Variants in PPFIA2 observed in about 807,000 individuals in gnomAD.
The protein encoded by PPFIA2 is PPFI scaffold protein A2.
In PPFIA2, 46 loss-of-function variants were observed where a neutral mutation model predicts 175.5. That is an observed-to-expected ratio of 0.26 (90% CI 0.21 to 0.34). The LOEUF (loss-of-function observed/expected upper bound fraction) is 0.34, where lower values mean the gene tolerates loss of function less well. Among genes scored for constraint, PPFIA2 ranks in the 10% least tolerant of loss-of-function variants. The pLI, the probability that PPFIA2 is intolerant of heterozygous loss-of-function variation, is 1.00. For synonymous variants in PPFIA2, 568 were observed against 511.4 expected (o/e 1.11, Z -1.49); for missense variants, 1,179 against 1,506.1 (o/e 0.78, Z 3.60).
At chr12:81,613,122 A>T (rs1332427073) in intron 4 of PPFIA2, among the ~76,000 whole-genome samples, 1 of 152,212 alleles carries the variant, frequency 6.6e-6, no homozygotes, top group African/African-American at 2.4e-5. Context: ...ATATGCTGTT[A>T]GGTTTATTTC....
At chr12:81,375,623 T>C in intron 10 of PPFIA2, 173 bp downstream of exon 10, 1 of 680,088 alleles carries the variant, frequency 1.5e-6, no homozygotes, top group East Asian at 2.8e-5. Context: ...TAATTTATCT[T>C]TCTGGAAAGT....
At chr12:81,452,190 T>C (rs1042456192) in intron 5 of PPFIA2, among the ~76,000 whole-genome samples, 1 of 152,144 alleles carries the variant, frequency 6.6e-6, no homozygotes, top group Non-Finnish European at 1.5e-5. Context: ...AAAAGCAAGA[T>C]GGCCCAGGTA....
chr12:81,320,292 G>A (rs1269254492), intron 22 of PPFIA2, among the ~76,000 whole-genome samples: 1 of 151,944 alleles, frequency 6.6e-6, no homozygotes, highest in Non-Finnish European at 1.5e-5. Context: ...AATCTATAGA[G>A]CTTAACTTTT....
At chr12:81,613,710 G>A (rs1390532459) in intron 4 of PPFIA2, among the ~76,000 whole-genome samples, 1 of 152,044 alleles carries the variant, frequency 6.6e-6, no homozygotes, top group Non-Finnish European at 1.5e-5. Flanking sequence ...TGGAATCTAT[G>A]GAACTTCTAG....
chr12:81,341,830 A>G (rs761572985), intron 19 of PPFIA2, among the ~76,000 whole-genome samples: 1 of 152,134 alleles, frequency 6.6e-6, no homozygotes, highest in Non-Finnish European at 1.5e-5. Context: ...AGCATTATAC[A>G]TACTCAGGCT....
chr12:81,462,608 A>ACATATATATATATAT (rs1566933988), intron 4 of PPFIA2, among the ~76,000 whole-genome samples: 1 of 134,886 alleles, frequency 7.4e-6, no homozygotes, highest in Non-Finnish European at 1.6e-5. Flanking sequence ...ATATATATAT[A>ACATATATATATATAT]ATATAGCGAT....
rs1393284448 is a variant in PPFIA2 at position 81,642,837 on chromosome 12, TTACA to T, written c.303+33950_303+33953del. Among the ~76,000 whole-genome samples, 19 of 134,384 alleles carry T rather than the reference TTACA, an allele frequency of 1.4e-4. 1 individual carries two copies. Among genetic ancestry groups the T allele is most frequent in the African/African-American group, 4.5e-4 (16 of 35,616 alleles). 88.2% of individuals were successfully genotyped at this position (134,384 alleles called of 152,430 possible). ...ACATACATGTATATGTATGTATGTA[TTACA>T]TACATATATAACATGTATTACATAT... is the stretch of plus-strand genomic sequence containing the variant. On this transcript the variant is annotated intron_variant, in intron 4 of 32. Coordinates refer to ENST00000549396, the MANE Select transcript of PPFIA2 (RefSeq NM_003625.5).
intron 4 of PPFIA2, among the ~76,000 whole-genome samples, chr12:81,659,876 G>A (rs916545635): frequency 2.6e-5 from 4 of 152,136 alleles, no homozygotes; most frequent in African/African-American, 9.7e-5. Flanking sequence ...GAATGATCAG[G>A]CAGCAATATT....
chr12:81,564,540 C>T (rs1241511247), intron 4 of PPFIA2, among the ~76,000 whole-genome samples: 3 of 151,848 alleles, frequency 2.0e-5, no homozygotes, highest in Non-Finnish European at 4.4e-5. Context: ...ATGATTAGGC[C>T]CAAAAATGCT....
chr12:81,409,888 A>G lies in PPFIA2; in HGVS notation c.646-3985T>C, dbSNP rs576577943. 6.6e-5 allele frequency among the ~76,000 whole-genome samples: 10 copies of G among 152,300 alleles called. No individual in the cohort carries two copies. In the East Asian group the frequency reaches 1.7e-3, roughly 26 times the overall value. On this transcript the variant is annotated intron_variant, in intron 7 of 32. Coordinates refer to ENST00000549396, the MANE Select transcript of PPFIA2 (RefSeq NM_003625.5). ...AATGATCAGATTAAGATAAAGAAAG[A>G]TTAATGGGGACAACTGCTATGGTTT... is the stretch of plus-strand genomic sequence containing the variant.
chr12:81,371,716 G>T (rs1478785770), intron 11 of PPFIA2, among the ~76,000 whole-genome samples: 1 of 151,694 alleles, frequency 6.6e-6, no homozygotes, highest in Non-Finnish European at 1.5e-5. Flanking sequence ...TTATGTCCTT[G>T]CTAAAGGAAT....
intron 4 of PPFIA2, among the ~76,000 whole-genome samples, chr12:81,618,345 C>G (rs1395337179): frequency 1.3e-5 from 2 of 151,470 alleles, no homozygotes; most frequent in African/African-American, 2.4e-5. Context: ...TATGTAGGAA[C>G]AGTTTGGCAT....
intron 4 of PPFIA2, among the ~76,000 whole-genome samples, chr12:81,487,469 A>G (rs2058960997): frequency 6.6e-6 from 1 of 151,644 alleles, no homozygotes. Flanking sequence ...GTAAGTGTTA[A>G]CAATGAATTA....
At position 81,362,730 on chromosome 12, in the gene PPFIA2, T is replaced by C; in HGVS notation, c.1600A>G (p.Met534Val). The C allele has an allele frequency of 6.5e-7, 1 of 1,547,588 alleles. No individual in the cohort carries two copies. Among genetic ancestry groups the C allele is most frequent in the Middle Eastern group, 1.7e-4 (1 of 5,960 alleles). The change falls in exon 15 of 33, where the codon ATG becomes GTG. Residue 534 changes from methionine (M) to valine (V), a missense_variant. Coordinates refer to ENST00000549396, the MANE Select transcript of PPFIA2 (RefSeq NM_003625.5). ...KLRSELDQLK[M>V]RTGSLIEPTI... ...GGTTCAATTAAAGAGCCAGTTCTCA[T>C]TTTCAATTGGTCAAGTTCAGATCTC...
At chr12:81,566,547 A>G (rs1218894740) in intron 4 of PPFIA2, among the ~76,000 whole-genome samples, 1 of 151,178 alleles carries the variant, frequency 6.6e-6, no homozygotes, top group Non-Finnish European at 1.5e-5. Context: ...AAAAAAAAAA[A>G]AAAAAGAAAA....
At chr12:81,360,966 T>C (rs1356815676) in intron 15 of PPFIA2, among the ~76,000 whole-genome samples, 1 of 151,746 alleles carries the variant, frequency 6.6e-6, no homozygotes, top group East Asian at 1.9e-4. Context: ...TAGAATGTTA[T>C]TAAGGAAAAC....
chr12:81,406,174 G>A (rs560748757), intron 7 of PPFIA2, among the ~76,000 whole-genome samples: 36 of 152,154 alleles, frequency 2.4e-4, no homozygotes, highest in African/African-American at 8.4e-4. Context: ...TGTTGGAAAT[G>A]TATCTAAAAT....
chr12:81,708,390 T>C (rs1596621812), intron 3 of PPFIA2, among the ~76,000 whole-genome samples: 1 of 152,286 alleles, frequency 6.6e-6, no homozygotes, highest in South Asian at 2.1e-4. Context: ...CCACCAATTA[T>C]TGTAAAATTT....
At chr12:81,754,573 G>T (rs1213806202) in intron 2 of PPFIA2, among the ~76,000 whole-genome samples, 1 of 151,976 alleles carries the variant, frequency 6.6e-6, no homozygotes, top group East Asian at 1.9e-4. Flanking sequence ...TTTCTTATCT[G>T]CAAGTTTACA....
Sources: allele counts gnomAD v4.1 joint callset (sites outside exome capture counted in the v4.1 genomes callset), GRCh38; gene constraint gnomAD v4.1.1; transcripts MANE v1.5; gene names NCBI Gene and HGNC (gene_info 2026-07-23, HGNC 2026-07-21).